Variants in FAM135B observed in about 807,000 individuals in gnomAD.
FAM135B encodes family with sequence similarity 135 member B.
FAM135B carries 43 observed loss-of-function variants against 127.7 expected under a neutral mutation model. The ratio of observed to expected loss-of-function variants is 0.34; its 90% CI spans 0.26 to 0.43. The LOEUF is 0.43. Ranked by LOEUF, FAM135B falls within the 20% of genes least tolerant of loss-of-function variation. The probability of loss-of-function intolerance (pLI) is 1.00; values close to 1 mark genes in which losing one functional copy is unlikely to be tolerated. For synonymous variants in FAM135B, 670 were observed against 665.1 expected (o/e 1.01, Z -0.11); for missense variants, 1,558 against 1,725.6 (o/e 0.90, Z 1.72).
chr8:138,376,685 A>G (rs369695397), intron 1 of FAM135B, among the ~76,000 whole-genome samples: 9 of 152,356 alleles, frequency 5.9e-5, no homozygotes, highest in Admixed American at 6.5e-5. Flanking sequence ...CTCTGTACAA[A>G]GTACCACGGA....
intron 10 of FAM135B, among the ~76,000 whole-genome samples, chr8:138,177,670 G>T (rs1178964266): frequency 2.0e-5 from 3 of 152,072 alleles, no homozygotes; most frequent in African/African-American, 7.2e-5. Flanking sequence ...TTCTTGCATT[G>T]CTTTTGCTAT....
At chr8:138,255,915 A>G (rs1822048564) in intron 5 of FAM135B, among the ~76,000 whole-genome samples, 1 of 152,134 alleles carries the variant, frequency 6.6e-6, no homozygotes, top group African/African-American at 2.4e-5. Context: ...CTGCAGTGGG[A>G]AAGAAAGGGG....
rs1462992320 is a variant in FAM135B at position 138,139,074 on chromosome 8, C to T, written c.3813G>A (p.Leu1271=). 1.2e-6 allele frequency: 2 copies of T among 1,612,808 alleles called. No homozygotes were observed. The highest frequency in any genetic ancestry group is 1.7e-5 in the Admixed American group (1 of 60,010). ...GCTGCAGTAGAGACCCGGATTTCTT[C>T]AGTTTCTGCATGAGCCATAAGCCTA... ...VSTGLWLMQK[L]KKSGSLLQLT... is the part of the protein sequence containing the mutation. The change falls in exon 18 of 20, where the codon CTG becomes CTA. Residue 1271 remains leucine, a synonymous_variant. Coordinates refer to ENST00000395297, the MANE Select transcript of FAM135B (RefSeq NM_015912.4).
chr8:138,372,663 A>G (rs1233704208), intron 1 of FAM135B, among the ~76,000 whole-genome samples: 1 of 152,230 alleles, frequency 6.6e-6, no homozygotes, highest in Non-Finnish European at 1.5e-5. Context: ...GGCACTCAGA[A>G]TAGAGACTGG....
chr8:138,450,256 C>T (rs1302055331), intron 1 of FAM135B, among the ~76,000 whole-genome samples: 3 of 152,202 alleles, frequency 2.0e-5, no homozygotes, highest in African/African-American at 7.2e-5. Context: ...TACTGAAGGA[C>T]ATCTTGATTG....
chr8:138,285,429 G>A (rs1342901793), intron 3 of FAM135B, among the ~76,000 whole-genome samples: 1 of 152,102 alleles, frequency 6.6e-6, no homozygotes, highest in East Asian at 1.9e-4. Context: ...TTACAGGCAT[G>A]AGCCACTACG....
chr8:138,475,890 T>C (rs1458763715), intron 1 of FAM135B, among the ~76,000 whole-genome samples: 1 of 152,208 alleles, frequency 6.6e-6, no homozygotes, highest in African/African-American at 2.4e-5. Flanking sequence ...AGAATTTATG[T>C]CCACACAAAA....
intron 3 of FAM135B, among the ~76,000 whole-genome samples, chr8:138,309,768 C>A (rs556434265): frequency 7.2e-5 from 11 of 152,002 alleles, no homozygotes; most frequent in African/African-American, 2.7e-4. Flanking sequence ...TTCTTGGCTA[C>A]TCGTACTTTA....
At chr8:138,299,572 T>TACACATAC (rs1825722464) in intron 3 of FAM135B, among the ~76,000 whole-genome samples, 1 of 150,142 alleles carries the variant, frequency 6.7e-6, no homozygotes, top group African/African-American at 2.4e-5. Context: ...CATGTATACA[T>TACACATAC]ACACATACAC....
intron 1 of FAM135B, among the ~76,000 whole-genome samples, chr8:138,385,512 A>T (rs1395463650): frequency 1.3e-5 from 2 of 152,186 alleles, no homozygotes; most frequent in African/African-American, 4.8e-5. Context: ...GAGAAAGAAC[A>T]TATTTAAAGC....
chr8:138,421,758 T>C (rs1325337056), intron 1 of FAM135B, among the ~76,000 whole-genome samples: 1 of 152,118 alleles, frequency 6.6e-6, no homozygotes, highest in Non-Finnish European at 1.5e-5. Flanking sequence ...ACTACCAATA[T>C]CATTTTCATA....
chr8:138,363,938 C>T (rs1004009224), intron 2 of FAM135B, among the ~76,000 whole-genome samples: 2 of 152,120 alleles, frequency 1.3e-5, no homozygotes, highest in East Asian at 3.9e-4. Context: ...CCCTCTCTTG[C>T]AATCCCCAAC....
At chr8:138,483,276 A>T (rs954405294) in intron 1 of FAM135B, among the ~76,000 whole-genome samples, 6 of 152,198 alleles carry the variant, frequency 3.9e-5, no homozygotes, top group African/African-American at 1.4e-4. Context: ...AACTTTACAC[A>T]TGAAGAAATG....
At chr8:138,325,503 T>C (rs1827747316) in intron 2 of FAM135B, among the ~76,000 whole-genome samples, 1 of 152,254 alleles carries the variant, frequency 6.6e-6, no homozygotes, top group Middle Eastern at 3.4e-3. Context: ...AAATGGGCGA[T>C]CTGGAAAGAT....
At chr8:138,354,053 A>T (rs1829937818) in intron 2 of FAM135B, among the ~76,000 whole-genome samples, 1 of 152,034 alleles carries the variant, frequency 6.6e-6, no homozygotes. Flanking sequence ...TTTTCATTCC[A>T]TTACCTCAGC....
At chr8:138,282,495 C>A (rs765924049) in intron 3 of FAM135B, among the ~76,000 whole-genome samples, 2 of 152,100 alleles carry the variant, frequency 1.3e-5, no homozygotes, top group African/African-American at 4.8e-5. Flanking sequence ...AGAAAACAAA[C>A]AACCCAATTA....
chr8:138,468,361 C>T (rs757544639), intron 1 of FAM135B, among the ~76,000 whole-genome samples: 12 of 152,156 alleles, frequency 7.9e-5, no homozygotes, highest in African/African-American at 1.2e-4. Flanking sequence ...CTGCTGTTAG[C>T]TCTTCATGAC....
chr8:138,223,531 G>A (rs191896554), intron 7 of FAM135B, among the ~76,000 whole-genome samples: 1 of 152,282 alleles, frequency 6.6e-6, no homozygotes, highest in African/African-American at 2.4e-5. Context: ...CTAAGATAAA[G>A]AGGATCCTGA....
At chr8:138,248,798 TGACA>T (rs1174580158) in intron 6 of FAM135B, among the ~76,000 whole-genome samples, 6 of 135,832 alleles carry the variant, frequency 4.4e-5, no homozygotes, top group Admixed American at 4.0e-4. Context: ...CTAGCCTGGG[TGACA>T]GACAGAGTGA....
Sources: gnomAD v4.1 joint callset for allele counts (sites outside exome capture counted in the v4.1 genomes callset) on GRCh38, gnomAD v4.1.1 for gene constraint, MANE v1.5 for transcripts, NCBI Gene and HGNC (gene_info 2026-07-23, HGNC 2026-07-21) for gene names.